The following CHKB variants were observed in gnomAD, a reference collection of about 807,000 sequenced individuals.
CHKB encodes the protein choline/ethanolamine kinase.
CHKB carries 45 observed loss-of-function variants against 57.3 expected under a neutral mutation model. That is an observed-to-expected ratio of 0.79 (90% CI 0.62 to 1.01). The LOEUF is 1.01. Ranked by LOEUF, CHKB falls within the 50% of genes least tolerant of loss-of-function variation. The pLI, the probability that CHKB is intolerant of heterozygous loss-of-function variation, is 0.00. For synonymous variants in CHKB, 224 were observed against 201.8 expected (o/e 1.11, Z -0.93); for missense variants, 517 against 502.8 (o/e 1.03, Z -0.27).
chr22:50,581,478 G>T lies in CHKB; in HGVS notation c.523C>A (p.His175Asn). The T allele has an allele frequency of 6.2e-7, 1 of 1,613,956 alleles. No individual in the cohort carries two copies. Among genetic ancestry groups the T allele is most frequent in the Non-Finnish European group, 8.5e-7 (1 of 1,180,032 alleles). The change falls in exon 4 of 11, where the codon CAT becomes AAT. Residue 175 changes from histidine (H) to asparagine (N), a missense_variant. By Grantham distance (68) the His-to-Asn change is moderately conservative. Transcript: ENST00000406938. ...AAIATKMAQF[H>N]GMEMPFTKEP... Reference sequence around the variant, plus strand: ...TTGGTGAAAGGCATCTCCATGCCATGAAATTGCGCCATCTTCGTGGCAATG... The same window carrying T: ...TTGGTGAAAGGCATCTCCATGCCATTAAATTGCGCCATCTTCGTGGCAATG...
chr22:50,582,300 A>C lies in CHKB; in HGVS notation c.282T>G (p.Val94=). Residue 94 remains valine, a synonymous_variant, in exon 2 of 11, where the codon GTT becomes GTG. Coordinates refer to ENST00000406938, the MANE Select transcript of CHKB (RefSeq NM_005198.5). ...RCSLPDHLPS[V]GEEPREVLLR... is the part of the protein sequence containing the mutation. The stretch of plus-strand genomic sequence containing the variant: ...GAAGCACCTCCCGGGGCTCCTCGCC[A>C]ACGCTGGGCAGGTGGTCCGGGAGCG... The C allele has an allele frequency of 2.5e-6, 4 of 1,593,556 alleles. No individual in the cohort carries two copies. The highest frequency in any genetic ancestry group is 1.1e-5 in the South Asian group (1 of 87,488).
rs369532290 is a variant in CHKB, at chr22:50,579,835, G to C, written c.928-5C>G. On this transcript the variant is annotated splice_region_variant and splice_polypyrimidine_tract_variant and intron_variant, in intron 8 of 10. Coordinates refer to ENST00000406938, the MANE Select transcript of CHKB (RefSeq NM_005198.5). ...GTAATGACGAATAAAATGCAACTACGATCAATGGCCAAGAGTCAGGAATTG... is the reference window on the plus strand; with the variant it reads ...GTAATGACGAATAAAATGCAACTACCATCAATGGCCAAGAGTCAGGAATTG... The C allele has an allele frequency of 3.1e-6, 5 of 1,612,264 alleles. No homozygotes were observed. Among genetic ancestry groups the C allele is most frequent in the African/African-American group, 2.7e-5 (2 of 74,942 alleles).
rs533691792 is a variant in CHKB, at chr22:50,579,547, T to C, written c.1032-40A>G. 2.3e-5 allele frequency: 37 copies of C among 1,603,000 alleles called. No homozygotes were observed. In the Admixed American group the frequency reaches 4.4e-4, roughly 19 times the overall value. On this transcript the variant is annotated intron_variant, in intron 9 of 10. Coordinates refer to ENST00000406938, the MANE Select transcript of CHKB (RefSeq NM_005198.5). ...GGAAAAGGAGGGGCATTCAAGAGCA[T>C]GTCTAGCACTGCTTGGATCCCCTCA...
At chr22:50,581,328 C>T (rs2070685831) in intron 4 of CHKB, 92 bp downstream of exon 4, 1 of 1,512,718 alleles carries the variant, frequency 6.6e-7, no homozygotes. Flanking sequence ...CAGATCCACT[C>T]AAGTGGAGGG....
intron 4 of CHKB, 64 bp from the exon 5 acceptor site, chr22:50,580,724 CCT>C: frequency 6.9e-7 from 1 of 1,451,074 alleles, no homozygotes; most frequent in Non-Finnish European, 9.6e-7. Context: ...CCTATCTACC[CCT>C]CAGGCCAGAC....
rs1199084684 is a variant in CHKB, at chr22:50,580,615, C to T, written c.627G>A (p.Glu209=). ...GGCTGTACATCTCCAGCAGGTTCAT[C>T]TCAGGGAGGCCAGTTGGGGGCAGGT... ...IQDLPPTGLP[E]MNLLEMYSLK... is the part of the protein sequence containing the mutation. The change falls in exon 5 of 11, where the codon GAG becomes GAA. Residue 209 remains glutamate (E), a synonymous_variant. Transcript: ENST00000406938. 6.2e-7 allele frequency: 1 copy of T among 1,613,998 alleles called. No homozygotes were observed. Among genetic ancestry groups the T allele is most frequent in the East Asian group, 2.2e-5 (1 of 44,902 alleles).
In CHKB at chr22:50,581,495, G is replaced by C; in HGVS notation, c.506C>G (p.Thr169Arg). 1 of 1,613,968 alleles carries C rather than the reference G, an allele frequency of 6.2e-7. No individual in the cohort carries two copies. The highest frequency in any genetic ancestry group is 1.1e-5 in the South Asian group (1 of 91,084). ...CATGCCATGAAATTGCGCCATCTTCGTGGCAATGGCTGCTGACAACACTGG... is the reference window on the plus strand; with the variant it reads ...CATGCCATGAAATTGCGCCATCTTCCTGGCAATGGCTGCTGACAACACTGG... The part of the protein sequence containing the change: ...REPVLSAAIA[T>R]KMAQFHGMEM... Residue 169 changes from threonine to arginine, a missense_variant, in exon 4 of 11, where the codon ACG (threonine) becomes AGG (arginine). By Grantham distance (71) the Thr-to-Arg change is moderately conservative. Coordinates refer to ENST00000406938, the MANE Select transcript of CHKB (RefSeq NM_005198.5).
In CHKB at chr22:50,581,641, G is replaced by A. The variant is rs981813967; in HGVS notation, c.448-88C>T. The A allele has an allele frequency of 9.4e-6, 15 of 1,596,406 alleles. No individual in the cohort carries two copies. In the Admixed American group the frequency reaches 1.2e-4, roughly 12 times the overall value. ...AATGAGGGGAAGTCAGGGTTTTGGG[G>A]GAAATTCCCTACTTGGGGTGAGGGA... On this transcript the variant is annotated intron_variant, in intron 3 of 10. Transcript: ENST00000406938.
chr22:50,579,824 A>G lies in CHKB; in HGVS notation c.934T>C (p.Phe312Leu), dbSNP rs1208354537. Residue 312 changes from phenylalanine (F) to leucine (L), a missense_variant, in exon 9 of 11, where the codon TTT becomes CTT. Transcript: ENST00000406938. ...GCCTCTGCCAGGTAATGACGAATAA[A>G]ATGCAACTACGATCAATGGCCAAGA... Reference protein sequence around the residue: ...DYPTQEQQLHFIRHYLAEAKK... With the variant: ...DYPTQEQQLHLIRHYLAEAKK... 1.9e-6 allele frequency: 3 copies of G among 1,613,656 alleles called. No individual in the cohort carries two copies. The highest frequency in any genetic ancestry group is 3.3e-5 in the Admixed American group (2 of 60,028).
chr22:50,582,180 A>C (rs1003521884), intron 2 of CHKB, 69 bp downstream of exon 2: 7 of 1,385,498 alleles, frequency 5.1e-6, no homozygotes, highest in Admixed American at 3.9e-5. Context: ...AACGGGAACA[A>C]TACTACCCGC....
At position 50,580,464 on chromosome 22, in the gene CHKB, G is replaced by A. The variant is rs772515839; in HGVS notation, c.678-48C>T. Reference sequence around the variant, plus strand: ...GTCCTGAGCAGGAGTGACTAGAGGAGGATCAGAGCCACCCTAACAGGCCAG... The same window carrying A: ...GTCCTGAGCAGGAGTGACTAGAGGAAGATCAGAGCCACCCTAACAGGCCAG... On this transcript the variant is annotated intron_variant, in intron 5 of 10. Coordinates refer to ENST00000406938, the MANE Select transcript of CHKB (RefSeq NM_005198.5). The A allele has an allele frequency of 6.8e-6, 11 of 1,611,698 alleles. 1 individual carries two copies. In the South Asian group the frequency reaches 1.2e-4, roughly 18 times the overall value.
In CHKB at chr22:50,581,771, C is replaced by G. The variant is rs762694630; in HGVS notation, c.425G>C (p.Gly142Ala). 6.2e-7 allele frequency: 1 copy of G among 1,613,922 alleles called. No homozygotes were observed. Among genetic ancestry groups the G allele is most frequent in the Non-Finnish European group, 8.5e-7 (1 of 1,179,974 alleles). The stretch of plus-strand genomic sequence containing the variant: ...TACTGGGATGTACTGTTCCAGCCGG[C>G]CCTCTGGGAAGACTCCGTACAGCTG... ...GPQLYGVFPE[G>A]RLEQYIPSRP... Residue 142 changes from glycine to alanine, a missense_variant, in exon 3 of 11, where the codon GGC becomes GCC. Coordinates refer to ENST00000406938, the MANE Select transcript of CHKB (RefSeq NM_005198.5).
chr22:50,582,768 G>A lies in CHKB; in HGVS notation c.14C>T (p.Ala5Val), dbSNP rs199703765. 665 of 1,577,516 alleles carry A rather than the reference G, an allele frequency of 4.2e-4. 2 individuals are homozygous for A. The highest frequency in any genetic ancestry group is 2.1e-3 in the Middle Eastern group (12 of 5,662). Residue 5 changes from alanine (A) to valine (V), a missense_variant, in exon 1 of 11, where the codon GCG becomes GTG. Transcript: ENST00000406938. MAAE[A>V]TAVAGSGAVG... ...AGCCCCGCTTCCGGCCACAGCTGTCGCCTCGGCCGCCATGGCGCGGGCTCG... is the reference window on the plus strand; with the variant it reads ...AGCCCCGCTTCCGGCCACAGCTGTCACCTCGGCCGCCATGGCGCGGGCTCG...
At chr22:50,581,350 C>T in intron 4 of CHKB, 70 bp downstream of exon 4, 1 of 1,594,314 alleles carries the variant, frequency 6.3e-7, no homozygotes, top group Non-Finnish European at 8.5e-7. Context: ...TGGATAGAGC[C>T]CCCGACACAT....
At chr22:50,581,727 G>GAGGGT in intron 3 of CHKB, 22 bp downstream of exon 3, 1 of 1,605,968 alleles carries the variant, frequency 6.2e-7, no homozygotes, top group Non-Finnish European at 8.5e-7. Flanking sequence ...TTGGGGAGGA[G>GAGGGT]AGGGTAGGAC....
At chr22:50,582,509 C>T in intron 1 of CHKB, 49 bp downstream of exon 1, 2 of 1,560,504 alleles carry the variant, frequency 1.3e-6, no homozygotes, top group Non-Finnish European at 1.7e-6. Context: ...CCGCGGCTGA[C>T]CCCTGACCCC....
Position 50,579,838 on chromosome 22 carries a change from C to T in CHKB, c.928-8G>A, listed in dbSNP as rs749587921. The T allele has an allele frequency of 2.5e-6, 4 of 1,612,638 alleles. No homozygotes were observed. The highest frequency in any genetic ancestry group is 1.3e-5 in the African/African-American group (1 of 75,000). ...ATGACGAATAAAATGCAACTACGAT[C>T]AATGGCCAAGAGTCAGGAATTGGGG... On this transcript the variant is annotated splice_region_variant and splice_polypyrimidine_tract_variant and intron_variant, in intron 8 of 10. Coordinates refer to ENST00000406938, the MANE Select transcript of CHKB (RefSeq NM_005198.5).
rs1238773869 is a variant in CHKB, at chr22:50,580,582, A to G, written c.660T>C (p.Asp220=). ...MNLLEMYSLK[D]EMGNLRKLLE... ...GCCCTCACCTGAGGTTGCCCATCTC[A>G]TCCTTCAGGCTGTACATCTCCAGCA... is the stretch of plus-strand genomic sequence containing the variant. Residue 220 remains aspartate, a synonymous_variant, in exon 5 of 11, where the codon GAT becomes GAC. Transcript: ENST00000406938. The G allele has an allele frequency of 3.7e-6, 6 of 1,613,260 alleles. No homozygotes were observed. Among genetic ancestry groups the G allele is most frequent in the Non-Finnish European group, 5.1e-6 (6 of 1,179,370 alleles).
At chr22:50,582,386 C>T in intron 1 of CHKB, 29 bp from the exon 2 acceptor site, 1 of 1,527,006 alleles carries the variant, frequency 6.5e-7, no homozygotes, top group Non-Finnish European at 8.8e-7. Flanking sequence ...CGCGCTCAGC[C>T]CGCGGCCGGC....
Sources: allele counts gnomAD v4.1 joint callset, GRCh38; gene constraint gnomAD v4.1.1; transcripts MANE v1.5; gene names NCBI Gene and HGNC (gene_info 2026-07-23, HGNC 2026-07-21).